The following RBM19 variants were observed in gnomAD, a reference collection of about 807,000 sequenced individuals.
The protein encoded by RBM19 is RNA binding motif protein 19.
Under a neutral mutation model 116.8 loss-of-function variants are expected in RBM19, and 94 were observed. The ratio of observed to expected loss-of-function variants is 0.80; its 90% CI spans 0.68 to 0.95. The LOEUF (loss-of-function observed/expected upper bound fraction) is 0.95, where lower values mean the gene tolerates loss of function less well. Among genes scored for constraint, RBM19 ranks in the 40% least tolerant of loss-of-function variants. The probability of loss-of-function intolerance (pLI) is 0.00; values close to 1 mark genes in which losing one functional copy is unlikely to be tolerated. For missense variants in RBM19, 1,161 were observed against 1,220.7 expected (o/e 0.95, Z 0.73); for synonymous variants, 475 against 494.1 (o/e 0.96, Z 0.51).
intron 20 of RBM19, 112 bp downstream of exon 20, chr12:113,918,280 G>A (rs554719431): frequency 4.4e-5 from 46 of 1,040,544 alleles, no homozygotes; most frequent in Non-Finnish European, 5.8e-5. Flanking sequence ...AAATGGTAAA[G>A]GGATAGGTGG....
intron 23 of RBM19, among the ~76,000 whole-genome samples, chr12:113,844,061 T>A (rs1041873671): frequency 6.6e-6 from 1 of 152,334 alleles, no homozygotes; most frequent in Middle Eastern, 3.4e-3. Context: ...TTGGTTACTG[T>A]CATGTGGGTG....
intron 21 of RBM19, among the ~76,000 whole-genome samples, chr12:113,859,163 C>T (rs1878162589): frequency 1.3e-5 from 2 of 152,168 alleles, no homozygotes; most frequent in Non-Finnish European, 2.9e-5. Context: ...CTAGAGACTC[C>T]CTGCCCCCAT....
intron 23 of RBM19, among the ~76,000 whole-genome samples, chr12:113,827,500 C>G (rs986385943): frequency 1.0e-5 from 1 of 98,370 alleles, no homozygotes; most frequent in Non-Finnish European, 1.8e-5. Flanking sequence ...GAGAAAGGCG[C>G]AGGCAGGGAG....
At chr12:113,818,547 G>C (rs1250119149), downstream of RBM19, among the ~76,000 whole-genome samples, 1 of 151,722 alleles carries the variant, frequency 6.6e-6, no homozygotes, top group Admixed American at 6.6e-5. Flanking sequence ...AGCTTGCCTT[G>C]TTTTGAAGTT....
At position 113,947,440 on chromosome 12, in the gene RBM19, G is replaced by A. The variant is rs80245977; in HGVS notation, c.1301C>T (p.Pro434Leu). Residue 434 changes from proline to leucine, a missense_variant, in exon 11 of 24, where the codon CCC becomes CTC. Physicochemically the swap from Pro to Leu is moderately conservative, Grantham distance 98. Transcript: ENST00000261741. ...GGGTTTCTTGGTCAGGCTGTCGATG[G>A]GGTAGTGGAGCTCAGACAGGGGACC... is the stretch of plus-strand genomic sequence containing the variant. The part of the protein sequence containing the change: ...KYGPLSELHY[P>L]IDSLTKKPKG... 35 of 1,607,304 alleles carry A rather than the reference G, an allele frequency of 2.2e-5. 2 individuals carry two copies. In the East Asian group the frequency reaches 7.8e-4, roughly 36 times the overall value.
At chr12:113,921,679 T>C (rs543352503) in intron 18 of RBM19, among the ~76,000 whole-genome samples, 7 of 152,318 alleles carry the variant, frequency 4.6e-5, no homozygotes, top group Non-Finnish European at 7.3e-5. Context: ...TGCCACCCCA[T>C]GGCGACTTTA....
Position 113,965,679 on chromosome 12 carries a change from T to G in RBM19, c.36+513A>C, listed in dbSNP as rs116269110. On this transcript the variant is annotated intron_variant, in intron 1 of 23. Coordinates refer to ENST00000261741, the MANE Select transcript of RBM19 (RefSeq NM_016196.4). Reference sequence around the variant, plus strand: ...CTCCAGGGAAACAAAAAAGTATGGCTGGGTCACCACTCCCCACTTACTGGA... The same window carrying G: ...CTCCAGGGAAACAAAAAAGTATGGCGGGGTCACCACTCCCCACTTACTGGA... Among the ~76,000 whole-genome samples, 1,395 of 152,282 alleles carry G rather than the reference T, an allele frequency of 9.2e-3. 26 individuals are homozygous for G. The highest frequency in any genetic ancestry group is 0.032 in the African/African-American group (1,337 of 41,554).
chr12:113,883,782 T>A (rs1335902854), intron 21 of RBM19, among the ~76,000 whole-genome samples: 1 of 152,174 alleles, frequency 6.6e-6, no homozygotes, highest in East Asian at 1.9e-4. Flanking sequence ...CAATTGCCTG[T>A]CCACCAGCCC....
rs1320020504 is a variant in RBM19 at position 113,920,778 on chromosome 12, G to T, written c.2306-88C>A. On this transcript the variant is annotated intron_variant, in intron 18 of 23. Transcript: ENST00000261741. ...GGCTGTGACGGGCCCCCAGACCTGC[G>T]CTGTATTTCCTCTTCTTTTCATACC... The T allele has an allele frequency of 3.2e-5, 37 of 1,153,676 alleles. No homozygotes were observed. In the East Asian group the frequency reaches 8.0e-4, roughly 25 times the overall value. 71.5% of individuals were successfully genotyped at this position (1,153,676 alleles called of 1,614,324 possible).
At chr12:113,827,299 C>T (rs944773784) in intron 23 of RBM19, among the ~76,000 whole-genome samples, 4 of 152,162 alleles carry the variant, frequency 2.6e-5, no homozygotes, top group African/African-American at 9.7e-5. Context: ...TGACAAAAAG[C>T]TCAGCCATCC....
chr12:113,840,245 C>G (rs1003036803), intron 23 of RBM19, among the ~76,000 whole-genome samples: 4 of 152,220 alleles, frequency 2.6e-5, no homozygotes, highest in African/African-American at 9.6e-5. Flanking sequence ...ATGAGGAATT[C>G]AGACTCTTTG....
At position 113,937,072 on chromosome 12, in the gene RBM19, T is replaced by C. The variant is rs1870137741; in HGVS notation, c.2003A>G (p.Gln668Arg). ...PVGVFSSTAP[Q>R]KKKLQDTPSE... is the part of the protein sequence containing the mutation. ...AGGTGTGTCTTGGAGCTTTTTCTTC[T>C]GTGGGGCTGTGCTGGAGAAGACGCC... The change falls in exon 16 of 24, where the codon CAG (glutamine) becomes CGG (arginine). Residue 668 changes from glutamine (Q) to arginine (R), a missense_variant. Transcript: ENST00000261741. The C allele has an allele frequency of 3.7e-6, 6 of 1,614,160 alleles. No homozygotes were observed. The highest frequency in any genetic ancestry group is 3.4e-6 in the Non-Finnish European group (4 of 1,179,990).
intron 21 of RBM19, among the ~76,000 whole-genome samples, chr12:113,878,356 TC>T (rs1430850305): frequency 1.3e-5 from 2 of 152,274 alleles, no homozygotes; most frequent in Non-Finnish European, 2.9e-5. Context: ...CGTGAGAAGA[TC>T]AAGTCAATTG....
intron 22 of RBM19, among the ~76,000 whole-genome samples, chr12:113,853,483 G>A (rs1877634524): frequency 6.6e-6 from 1 of 152,236 alleles, no homozygotes; most frequent in South Asian, 2.1e-4. Context: ...CCTGGGGAAG[G>A]GAAAAATTAA....
intron 16 of RBM19, among the ~76,000 whole-genome samples, chr12:113,928,515 A>ATGGT (rs1283939758): frequency 6.6e-6 from 1 of 150,504 alleles, no homozygotes; most frequent in African/African-American, 2.4e-5. Flanking sequence ...GGCACTAGGG[A>ATGGT]TGGTCGTCAT....
chr12:113,858,776 G>T lies in RBM19; in HGVS notation c.2664+15C>A, dbSNP rs1397088839. 1 of 1,611,942 alleles carries T rather than the reference G, an allele frequency of 6.2e-7. No homozygotes were observed. Among genetic ancestry groups the T allele is most frequent in the African/African-American group, 1.3e-5 (1 of 74,968 alleles). On this transcript the variant is annotated intron_variant, in intron 22 of 23. Transcript: ENST00000261741. The stretch of plus-strand genomic sequence containing the variant: ...GGGAGGCCTGGACAGGTGGGGAAGG[G>T]ATTCACGGTCTCACCTTCGCATCCT...
intron 18 of RBM19, among the ~76,000 whole-genome samples, chr12:113,924,490 G>T (rs113367282): frequency 6.6e-6 from 1 of 152,178 alleles, no homozygotes; most frequent in Non-Finnish European, 1.5e-5. Context: ...GACCCAAGAG[G>T]CTGCTTCGAC....
Position 113,898,094 on chromosome 12 carries a change from A to G in RBM19, c.2558+16875T>C, listed in dbSNP as rs1436261997. Among the ~76,000 whole-genome samples, 1 of 152,194 alleles carries G rather than the reference A, an allele frequency of 6.6e-6. No homozygotes were observed. Among genetic ancestry groups the G allele is most frequent in the African/African-American group, 2.4e-5 (1 of 41,456 alleles). On this transcript the variant is annotated intron_variant, in intron 21 of 23. Transcript: ENST00000261741. The surrounding 1 kb of genome is among the most constrained non-coding windows in gnomAD (Gnocchi z 4.3). ...ACCTGACAGGTATCCTGGAACCTGA[A>G]ATTTGGACTAAAGTAAGAGTCCATT...
intron 6 of RBM19, 84 bp downstream of exon 6, chr12:113,957,698 C>T (rs1232491498): frequency 1.4e-6 from 2 of 1,478,170 alleles, no homozygotes; most frequent in Non-Finnish European, 1.8e-6. Context: ...CAACATTCCG[C>T]TCTCCTAACA....
Sources: allele counts gnomAD v4.1 joint callset (sites outside exome capture counted in the v4.1 genomes callset), GRCh38; gene constraint gnomAD v4.1.1; non-coding constraint Gnocchi (gnomAD v3.1); transcripts MANE v1.5; gene names NCBI Gene and HGNC (gene_info 2026-07-23, HGNC 2026-07-21).